SUGT1: variants seen among roughly 807,000 people sequenced by gnomAD.
SUGT1 encodes SGT1 assembly cochaperone of MIS12 kinetochore complex.
Under a neutral mutation model 56.1 loss-of-function variants are expected in SUGT1, and 15 were observed. The observed-to-expected ratio is 0.27, with a 90% CI of 0.18 to 0.41. SUGT1 has a LOEUF of 0.41. Ranked by LOEUF, SUGT1 falls within the 10% of genes least tolerant of loss-of-function variation. SUGT1 has a pLI of 1.00. For synonymous variants in SUGT1, 123 were observed against 128.6 expected, an observed-to-expected ratio of 0.96 and a Z score of 0.30; for missense variants, 347 against 382.2, an observed-to-expected ratio of 0.91 and a Z score of 0.77.
intron 5 of SUGT1, chr13:52,661,653 G>C: frequency 2.6e-6 from 1 of 381,102 alleles, no homozygotes; most frequent in Non-Finnish European, 5.1e-6. Context: ...ACAGGGTAAA[G>C]AATTGTTACC....
chr13:52,688,051 G>C lies in SUGT1; in HGVS notation c.*216G>C. ...TTCTGTCCTTAAAGGTTTCAGACAT[G>C]GTGAAACTGAATAAAGCATGTCATT... On this transcript the variant is annotated 3_prime_UTR_variant, in exon 13 of 13. Coordinates refer to ENST00000310528, the MANE Select transcript of SUGT1 (RefSeq NM_006704.5). The C allele has an allele frequency of 3.1e-6, 1 of 321,942 alleles. No individual in the cohort carries two copies. The highest frequency in any genetic ancestry group is 5.6e-6 in the Non-Finnish European group (1 of 177,094). 19.9% of individuals were successfully genotyped at this position (321,942 alleles called of 1,614,324 possible).
chr13:52,653,101 G>C lies in SUGT1; in HGVS notation c.94G>C (p.Glu32Gln). 8 of 1,614,152 alleles carry C rather than the reference G, an allele frequency of 5.0e-6. No individual in the cohort carries two copies. Among genetic ancestry groups the C allele is most frequent in the Non-Finnish European group, 6.8e-6 (8 of 1,180,036 alleles). ...LIDEDPQAAL[E>Q]ELTKALEQKP... ...CGACGAGGACCCCCAGGCGGCGTTA[G>C]AGGTGAGAGAGCCCATTTCTGCTTC... The change falls in exon 2 of 13, where the codon GAG (glutamate) becomes CAG (glutamine). Residue 32 changes from glutamate (E) to glutamine (Q), a missense_variant and splice_region_variant. Glu to Gln is a conservative substitution (Grantham distance 29, BLOSUM62 2). Transcript: ENST00000310528.
chr13:52,684,531 C>G (rs1175202305), intron 12 of SUGT1, among the ~76,000 whole-genome samples: 2 of 150,414 alleles, frequency 1.3e-5, no homozygotes, highest in Non-Finnish European at 3.0e-5. Context: ...TGTCTATTAT[C>G]TATTTCTATC....
intron 5 of SUGT1, among the ~76,000 whole-genome samples, chr13:52,660,301 G>A (rs996510555): frequency 1.3e-5 from 2 of 152,106 alleles, no homozygotes; most frequent in African/African-American, 2.4e-5. Flanking sequence ...TGCTTCCCAG[G>A]AAACTTTATG....
At chr13:52,681,118 G>A (rs147614440) in intron 12 of SUGT1, among the ~76,000 whole-genome samples, 237 of 152,190 alleles carry the variant, frequency 1.6e-3, no homozygotes, top group African/African-American at 5.4e-3. Flanking sequence ...GATTACAGGC[G>A]TGAGGCACCT....
At chr13:52,680,387 G>A (rs561745930) in intron 12 of SUGT1, among the ~76,000 whole-genome samples, 55 of 152,204 alleles carry the variant, frequency 3.6e-4, no homozygotes, top group Admixed American at 7.9e-4. Context: ...TTATCAGTGA[G>A]TTAGATTGAT....
chr13:52,659,171 T>A lies in SUGT1; in HGVS notation c.258-8T>A. On this transcript the variant is annotated splice_region_variant and splice_polypyrimidine_tract_variant and intron_variant, in intron 4 of 12. Transcript: ENST00000310528. ...GTGTCTTAATTTGTTTTAAATATAT[T>A]CATGCAGAATATGTGAATACCATGA... The A allele has an allele frequency of 2.0e-6, 3 of 1,516,614 alleles. No individual in the cohort carries two copies. The highest frequency in any genetic ancestry group is 2.6e-6 in the Non-Finnish European group (3 of 1,139,530). 93.9% of individuals were successfully genotyped at this position (1,516,614 alleles called of 1,614,324 possible). A position where few individuals can be genotyped will look rare whatever the true frequency, so the allele number is the denominator to read the frequency against.
chr13:52,658,464 A>G lies in SUGT1; in HGVS notation c.253A>G (p.Lys85Glu). ...AAATAATTCCACTGCTATGCTGAGA[A>G]AAGGGTATGCAGTAGCTACTCTTCT... ...NPNNSTAMLR[K>E]GICEYHEKNY... The change falls in exon 4 of 13, where the codon AAA becomes GAA. Residue 85 changes from lysine to glutamate, a missense_variant. By Grantham distance (56) the Lys-to-Glu change is moderately conservative. Transcript: ENST00000310528. 1 of 1,612,338 alleles carries G rather than the reference A, an allele frequency of 6.2e-7. No homozygotes were observed. The highest frequency in any genetic ancestry group is 8.5e-7 in the Non-Finnish European group (1 of 1,179,548).
rs1309676732 is a variant in SUGT1, at chr13:52,695,663, C to T, written c.*7828C>T. The T allele has an allele frequency of 1.3e-5, 2 of 152,168 alleles. No homozygotes were observed. The highest frequency in any genetic ancestry group is 4.8e-5 in the African/African-American group (2 of 41,450). 9.4% of individuals were successfully genotyped at this position (152,168 alleles called of 1,614,324 possible). On this transcript the variant is annotated 3_prime_UTR_variant, in exon 13 of 13. Transcript: ENST00000310528. The stretch of plus-strand genomic sequence containing the variant: ...AGAGTTTTCAGAATTCAACCCCAGC[C>T]AAAATTTTTGGCCACATCTCTTGTC...
At chr13:52,679,613 C>T (rs1267971279) in intron 11 of SUGT1, among the ~76,000 whole-genome samples, 1 of 152,174 alleles carries the variant, frequency 6.6e-6, no homozygotes, top group African/African-American at 2.4e-5. Context: ...ATTGTTCGTA[C>T]TGTCTCTGCA....
At position 52,694,413 on chromosome 13, in the gene SUGT1, TA is replaced by T. The variant is rs1199131844; in HGVS notation, c.*6580del. 2 of 152,252 alleles carry T rather than the reference TA, an allele frequency of 1.3e-5. No individual in the cohort carries two copies. Among genetic ancestry groups the T allele is most frequent in the Non-Finnish European group, 2.9e-5 (2 of 68,032 alleles). The allele number at this position is 152,252 out of a possible 1,614,324, so 9.4% of individuals were successfully genotyped here. ...AGCATAAGAATTCATGAAAAGTTTTTAATAATTTTACTTAAACAGAGCTTAA... is the reference window on the plus strand; with the variant it reads ...AGCATAAGAATTCATGAAAAGTTTTTATAATTTTACTTAAACAGAGCTTAA... On this transcript the variant is annotated 3_prime_UTR_variant, in exon 13 of 13. Transcript: ENST00000310528.
chr13:52,677,917 T>TA (rs1963213872), intron 11 of SUGT1, among the ~76,000 whole-genome samples: 2 of 152,174 alleles, frequency 1.3e-5, no homozygotes, highest in South Asian at 4.1e-4. Context: ...GTGTTACAGT[T>TA]ACCATGTTTT....
intron 11 of SUGT1, 47 bp from the exon 12 acceptor site, chr13:52,679,927 A>G: frequency 6.5e-7 from 1 of 1,528,020 alleles, no homozygotes; most frequent in African/African-American, 1.4e-5. Flanking sequence ...TTCTCGACAT[A>G]ATTGAAACAT....
At chr13:52,663,741 G>A (rs1030436859) in intron 7 of SUGT1, among the ~76,000 whole-genome samples, 3 of 152,156 alleles carry the variant, frequency 2.0e-5, no homozygotes, top group African/African-American at 7.2e-5. Context: ...TTCTAATCAT[G>A]CCTTTAGAAG....
intron 8 of SUGT1, among the ~76,000 whole-genome samples, chr13:52,665,142 C>T (rs751340106): frequency 2.1e-4 from 32 of 152,128 alleles, no homozygotes; most frequent in Admixed American, 7.9e-4. Flanking sequence ...TTTGTGTGCT[C>T]AAGTCTATCT....
chr13:52,665,597 A>G, intron 8 of SUGT1, 40 bp from the exon 9 acceptor site: 1 of 1,469,382 alleles, frequency 6.8e-7, no homozygotes, highest in South Asian at 1.3e-5. Context: ...CTTTAAAAAA[A>G]TTAGAAGAGT....
At chr13:52,665,069 A>G (rs762904862) in intron 8 of SUGT1, among the ~76,000 whole-genome samples, 1 of 152,172 alleles carries the variant, frequency 6.6e-6, no homozygotes, top group Non-Finnish European at 1.5e-5. Context: ...AGTGTTGTAT[A>G]TGATGTTGTG....
chr13:52,687,087 A>AAG (rs1963621929), intron 12 of SUGT1: 1 of 151,544 alleles, frequency 6.6e-6, no homozygotes, highest in South Asian at 2.1e-4. Context: ...AAAAAAAAAA[A>AAG]AAAAAGAAAT....
intron 5 of SUGT1, among the ~76,000 whole-genome samples, chr13:52,659,839 T>G (rs1962355155): frequency 2.7e-5 from 2 of 74,280 alleles, no homozygotes; most frequent in South Asian, 1.0e-3. Context: ...TTTTTTTTTT[T>G]TTTTTTTGAG....
Sources: allele counts gnomAD v4.1 joint callset (sites outside exome capture counted in the v4.1 genomes callset), GRCh38; gene constraint gnomAD v4.1.1; transcripts MANE v1.5; gene names NCBI Gene and HGNC (gene_info 2026-07-23, HGNC 2026-07-21).